LIMCH1: variants seen among roughly 807,000 people sequenced by gnomAD.
LIMCH1 encodes the protein LIM and calponin homology domains 1, also known as LIM and calponin homology domains-containing protein 1.
A neutral mutation model predicts 176.5 loss-of-function variants in LIMCH1; 113 were observed. The observed-to-expected ratio is 0.64, with a 90% CI of 0.55 to 0.75. The LOEUF (loss-of-function observed/expected upper bound fraction) is 0.75, where lower values mean the gene tolerates loss of function less well. Ranked by LOEUF, LIMCH1 falls within the 30% of genes least tolerant of loss-of-function variation. LIMCH1 has a pLI of 0.00. For synonymous variants in LIMCH1, 619 were observed against 645.9 expected, an observed-to-expected ratio of 0.96 and a Z score of 0.63; for missense variants, 1,674 against 1,814.9, an observed-to-expected ratio of 0.92 and a Z score of 1.41.
chr4:41,424,702 C>T (rs2060917317), intron 1 of LIMCH1, among the ~76,000 whole-genome samples: 1 of 152,154 alleles, frequency 6.6e-6, no homozygotes, highest in South Asian at 2.1e-4. Flanking sequence ...AGCTTGCATA[C>T]TTTTGGGTTT....
chr4:41,502,139 C>G (rs535037594), intron 2 of LIMCH1, among the ~76,000 whole-genome samples: 2 of 150,946 alleles, frequency 1.3e-5, no homozygotes, highest in African/African-American at 4.9e-5. Context: ...TCAGCTCCCC[C>G]TTATAAGTGA....
intron 1 of LIMCH1, among the ~76,000 whole-genome samples, chr4:41,464,437 C>G (rs1314039120): frequency 6.8e-6 from 1 of 146,728 alleles, no homozygotes; most frequent in Non-Finnish European, 1.5e-5. Context: ...GATGTGATCT[C>G]TGATCACTTG....
chr4:41,573,698 A>G (rs1040781216), intron 1 of LIMCH1, among the ~76,000 whole-genome samples: 1 of 151,804 alleles, frequency 6.6e-6, no homozygotes, highest in Non-Finnish European at 1.5e-5. Flanking sequence ...CTGCACATAA[A>G]CCTTCTTTTT....
At chr4:41,441,885 A>G (rs947675674) in intron 1 of LIMCH1, among the ~76,000 whole-genome samples, 1 of 151,012 alleles carries the variant, frequency 6.6e-6, no homozygotes, top group South Asian at 2.2e-4. Flanking sequence ...TTTGTTTTTG[A>G]TGTGGGATAT....
intron 1 of LIMCH1, among the ~76,000 whole-genome samples, chr4:41,468,624 C>A (rs4860995): frequency 0.49 from 74,844 of 151,390 alleles, 22,051 homozygotes; most frequent in African/African-American, 0.83. Context: ...CAGTACATAT[C>A]TTACCATTCT....
intron 1 of LIMCH1, among the ~76,000 whole-genome samples, chr4:41,482,515 G>A (rs2068818438): frequency 6.6e-6 from 1 of 152,134 alleles, no homozygotes; most frequent in South Asian, 2.1e-4. Flanking sequence ...CAAAATGGAG[G>A]GAGAGGGTGA....
chr4:41,400,453 G>T (rs556640311), intron 1 of LIMCH1, among the ~76,000 whole-genome samples: 3 of 152,276 alleles, frequency 2.0e-5, no homozygotes, highest in African/African-American at 7.2e-5. Context: ...CATAAGTAAT[G>T]CTTGAAGAAT....
intron 1 of LIMCH1, among the ~76,000 whole-genome samples, chr4:41,583,710 G>A (rs2085933839): frequency 6.6e-6 from 1 of 151,702 alleles, no homozygotes; most frequent in African/African-American, 2.4e-5. Flanking sequence ...CCCATCTTGG[G>A]TTAGGCACCT....
intron 1 of LIMCH1, among the ~76,000 whole-genome samples, chr4:41,383,422 T>C (rs75175843): frequency 1.2e-3 from 183 of 152,140 alleles, no homozygotes; most frequent in African/African-American, 4.2e-3. Flanking sequence ...AGGAGCGAAG[T>C]GATGAAGGGG....
upstream of LIMCH1, among the ~76,000 whole-genome samples, chr4:41,536,933 T>G (rs886630831): frequency 2.0e-5 from 3 of 152,204 alleles, no homozygotes; most frequent in African/African-American, 7.2e-5. Context: ...CTGTGATAAA[T>G]GTAGATGTAC....
At chr4:41,664,176 T>C (rs1585555456) in intron 20 of LIMCH1, among the ~76,000 whole-genome samples, 1 of 152,326 alleles carries the variant, frequency 6.6e-6, no homozygotes, top group East Asian at 1.9e-4. Context: ...CTTGCACAAC[T>C]GGAAGACTAT....
intron 1 of LIMCH1, among the ~76,000 whole-genome samples, chr4:41,575,201 G>A (rs901268501): frequency 6.6e-6 from 1 of 152,168 alleles, no homozygotes; most frequent in Non-Finnish European, 1.5e-5. Flanking sequence ...TGACCAGATA[G>A]CATTTTTTTA....
chr4:41,458,728 TGTGCCACTGCACTCCAGCCTG>T (rs1185514931), intron 1 of LIMCH1, among the ~76,000 whole-genome samples: 18 of 145,104 alleles, frequency 1.2e-4, no homozygotes, highest in African/African-American at 4.7e-4. Flanking sequence ...AAGCTGAGAT[TGTGCCACTGCACTCCAGCCTG>T]GTGACAGAAT....
chr4:41,569,767 CA>C (rs1282333605), intron 1 of LIMCH1, among the ~76,000 whole-genome samples: 1 of 152,074 alleles, frequency 6.6e-6, no homozygotes, highest in Non-Finnish European at 1.5e-5. Context: ...ATAAGGACTC[CA>C]AAAATGCCAC....
At chr4:41,495,895 A>G (rs531219354) in intron 2 of LIMCH1, among the ~76,000 whole-genome samples, 2 of 152,074 alleles carry the variant, frequency 1.3e-5, no homozygotes, top group Non-Finnish European at 2.9e-5. Context: ...TGATGTTTCC[A>G]TATTCTCTTT....
At chr4:41,444,741 G>A (rs13124842) in intron 1 of LIMCH1, among the ~76,000 whole-genome samples, 22,244 of 152,140 alleles carry the variant, frequency 0.15, 1,807 homozygotes, top group Admixed American at 0.22. Context: ...GGGATTTTCA[G>A]TCTTGCTCAA....
intron 1 of LIMCH1, among the ~76,000 whole-genome samples, chr4:41,559,287 C>G (rs2081738784): frequency 1.3e-5 from 2 of 152,090 alleles, no homozygotes; most frequent in South Asian, 4.1e-4. Context: ...CTTAGATGTT[C>G]CATGTAACCT....
At chr4:41,451,478 C>T (rs1159954822) in intron 1 of LIMCH1, among the ~76,000 whole-genome samples, 1 of 152,096 alleles carries the variant, frequency 6.6e-6, no homozygotes, top group Non-Finnish European at 1.5e-5. Flanking sequence ...AAAGAAGGCT[C>T]ACAGATCCCC....
At chr4:41,662,108 A>G (rs936538920) in intron 19 of LIMCH1, among the ~76,000 whole-genome samples, 19 of 152,198 alleles carry the variant, frequency 1.2e-4, no homozygotes, top group African/African-American at 4.1e-4. Context: ...ATTATTTTTT[A>G]TAAGGCCTTT....
Sources: allele counts gnomAD v4.1 joint callset (sites outside exome capture counted in the v4.1 genomes callset), GRCh38; gene constraint gnomAD v4.1.1; transcripts MANE v1.5; gene names NCBI Gene and HGNC (gene_info 2026-07-23, HGNC 2026-07-21).